Variants in IL23R observed in about 807,000 individuals in gnomAD.
IL23R encodes interleukin-23 receptor.
IL23R carries 34 observed loss-of-function variants against 56.9 expected under a neutral mutation model. That is an observed-to-expected ratio of 0.60 (90% CI 0.45 to 0.80). The LOEUF (loss-of-function observed/expected upper bound fraction) is 0.80. IL23R is among the 30% of genes least tolerant of loss of function. The probability of loss-of-function intolerance (pLI) is 0.00; values close to 1 mark genes in which losing one functional copy is unlikely to be tolerated. For synonymous variants in IL23R, 230 were observed against 249.2 expected (o/e 0.92, Z 0.73); for missense variants, 635 against 730.0 (o/e 0.87, Z 1.50).
At chr1:67,193,276 C>A (rs138231315) in intron 4 of IL23R, among the ~76,000 whole-genome samples, 93 of 152,158 alleles carry the variant, frequency 6.1e-4, no homozygotes, top group Non-Finnish European at 1.0e-3. Context: ...AACCTTTTTA[C>A]TCCGCTTTAG....
downstream of IL23R, among the ~76,000 whole-genome samples, chr1:67,261,191 A>G (rs1426607155): frequency 2.6e-5 from 4 of 151,160 alleles, no homozygotes; most frequent in East Asian, 7.8e-4. Context: ...CCATTGTCCT[A>G]TTGTTAATTA....
intron 4 of IL23R, among the ~76,000 whole-genome samples, chr1:67,194,295 TG>T (rs953235318): frequency 6.6e-6 from 1 of 150,894 alleles, no homozygotes; most frequent in Non-Finnish European, 1.5e-5. Flanking sequence ...GCAAGGGGGT[TG>T]GGGGGACTGA....
intron 3 of IL23R, among the ~76,000 whole-genome samples, chr1:67,176,300 A>G (rs1647007811): frequency 6.6e-6 from 1 of 152,196 alleles, no homozygotes; most frequent in Non-Finnish European, 1.5e-5. Context: ...TAAGAAGAAG[A>G]GGAATGGATA....
At chr1:67,223,557 C>CT (rs1570882146) in intron 7 of IL23R, among the ~76,000 whole-genome samples, 1 of 152,004 alleles carries the variant, frequency 6.6e-6, no homozygotes, top group African/African-American at 2.4e-5. Flanking sequence ...GAAAATGTAC[C>CT]TTTTTTTCTG....
chr1:67,223,812 C>T (rs1453746659), intron 7 of IL23R, among the ~76,000 whole-genome samples: 1 of 152,030 alleles, frequency 6.6e-6, no homozygotes, highest in Non-Finnish European at 1.5e-5. Context: ...ATTTCCCTAC[C>T]TAAATAACAT....
intron 7 of IL23R, among the ~76,000 whole-genome samples, chr1:67,227,978 CT>C (rs1190881587): frequency 8.0e-5 from 7 of 87,868 alleles, no homozygotes; most frequent in Non-Finnish European, 1.7e-4. Flanking sequence ...TTCTTTCTTT[CT>C]TTCTTTCTTT....
At chr1:67,180,190 G>A (rs658651) in intron 3 of IL23R, among the ~76,000 whole-genome samples, 19 of 152,196 alleles carry the variant, frequency 1.2e-4, no homozygotes, top group East Asian at 1.2e-3. Flanking sequence ...TTTCTGTCTC[G>A]TTGATCTGTC....
intron 7 of IL23R, among the ~76,000 whole-genome samples, chr1:67,234,480 A>G (rs1176052570): frequency 6.6e-6 from 1 of 152,216 alleles, no homozygotes; most frequent in African/African-American, 2.4e-5. Context: ...TATGATGCAA[A>G]TTAATAACTG....
At position 67,155,982 on chromosome 1, in the gene IL23R, G is replaced by A. The variant is rs139501262; in HGVS notation, c.-633-12110G>A. The stretch of plus-strand genomic sequence containing the variant: ...ACCTTTGGATAGGGTTTTTGTGGGG[G>A]CATCTTTTTTGTTGATATTGTTGTT... On this transcript the variant is annotated intron_variant, in intron 1 of 10. Coordinates refer to the IL23R transcript ENST00000637002. Among the ~76,000 whole-genome samples, 278 of 152,232 alleles carry A rather than the reference G, an allele frequency of 1.8e-3. 1 individual carries two copies. The highest frequency in any genetic ancestry group is 6.4e-3 in the African/African-American group (267 of 41,524).
At position 67,166,673 on chromosome 1, in the gene IL23R, A is replaced by G. The variant is rs567474430; in HGVS notation, c.-30+132A>G. On this transcript the variant is annotated intron_variant, in intron 1 of 10. Coordinates refer to ENST00000347310, the MANE Select transcript of IL23R (RefSeq NM_144701.3). ...GTGGTTACTGATGAAAAGGGAATCT[A>G]TAATATTATATGGCATCACATTACT... 8 of 152,466 alleles carry G rather than the reference A, an allele frequency of 5.2e-5. No individual in the cohort carries two copies. In the East Asian group the frequency reaches 1.5e-3, roughly 29 times the overall value. The allele number at this position is 152,466 out of a possible 1,614,324, so 9.4% of individuals were successfully genotyped here.
intron 3 of IL23R, among the ~76,000 whole-genome samples, 156 bp from the exon 4 acceptor site, chr1:67,182,680 C>G (rs1336289094): frequency 1.3e-5 from 2 of 152,170 alleles, no homozygotes; most frequent in Admixed American, 1.3e-4. Flanking sequence ...TGAGATGAAC[C>G]CGGTACCTCA....
intron 3 of IL23R, among the ~76,000 whole-genome samples, chr1:67,178,003 C>G (rs1254215285): frequency 6.6e-6 from 1 of 151,608 alleles, no homozygotes; most frequent in African/African-American, 2.4e-5. Flanking sequence ...CAGTATCCTG[C>G]TGTTTTTGTT....
At chr1:67,254,906 G>GCCCCA (rs1442486310) in intron 9 of IL23R, among the ~76,000 whole-genome samples, 1 of 152,144 alleles carries the variant, frequency 6.6e-6, no homozygotes, top group Non-Finnish European at 1.5e-5. Context: ...TCTTTCCAAA[G>GCCCCA]CCCCACCCCA....
chr1:67,220,733 T>G (rs1434996581), intron 7 of IL23R, among the ~76,000 whole-genome samples: 1 of 152,112 alleles, frequency 6.6e-6, no homozygotes, highest in Non-Finnish European at 1.5e-5. Context: ...TACCCAGGCA[T>G]GGTGGCCCAC....
At chr1:67,188,909 A>G (rs1647544455) in intron 4 of IL23R, among the ~76,000 whole-genome samples, 1 of 152,108 alleles carries the variant, frequency 6.6e-6, no homozygotes, top group Admixed American at 6.6e-5. Context: ...CAACATGTAA[A>G]TTTTGAGGGT....
Position 67,169,452 on chromosome 1 carries a change from C to T in IL23R, c.181C>T (p.Pro61Ser), listed in dbSNP as rs1363189594. The change falls in exon 3 of 11, where the codon CCA becomes TCA. Residue 61 changes from proline (P) to serine (S), a missense_variant. Pro to Ser is a moderately conservative substitution (Grantham distance 74). Transcript: ENST00000347310. ...CCAAGCAGCAATTAAGAACTGCCAA[C>T]CAAGGAAACTTCATTTTTATAAAAA... ...YCQAAIKNCQ[P>S]RKLHFYKNGI... The T allele has an allele frequency of 1.2e-6, 2 of 1,613,782 alleles. No individual in the cohort carries two copies. Among genetic ancestry groups the T allele is most frequent in the Admixed American group, 1.7e-5 (1 of 60,000 alleles).
chr1:67,210,217 C>T (rs1252990171), intron 6 of IL23R, among the ~76,000 whole-genome samples: 1 of 152,032 alleles, frequency 6.6e-6, no homozygotes, highest in African/African-American at 2.4e-5. Context: ...TATCTAGTGT[C>T]TTAAGAAAGG....
intron 1 of IL23R, among the ~76,000 whole-genome samples, chr1:67,160,095 C>T (rs985927662): frequency 1.3e-5 from 2 of 152,062 alleles, no homozygotes; most frequent in Admixed American, 6.6e-5. Flanking sequence ...TCAAGCAATC[C>T]ACCCACCTTG....
intron 4 of IL23R, among the ~76,000 whole-genome samples, chr1:67,197,984 G>A (rs138888150): frequency 1.1e-3 from 169 of 151,876 alleles, no homozygotes; most frequent in African/African-American, 3.6e-3. Context: ...CCTGAGGCTC[G>A]GTAATTTATG....
Sources: gnomAD v4.1 joint callset for allele counts (sites outside exome capture counted in the v4.1 genomes callset) on GRCh38, gnomAD v4.1.1 for gene constraint, MANE v1.5 for transcripts, NCBI Gene and HGNC (gene_info 2026-07-23, HGNC 2026-07-21) for gene names.